PISD: variants seen among roughly 807,000 people sequenced by gnomAD.
PISD encodes phosphatidylserine decarboxylase proenzyme, mitochondrial.
In PISD, 31 loss-of-function variants were observed where a neutral mutation model predicts 43.5. The observed-to-expected ratio is 0.71, with a 90% CI of 0.54 to 0.96. The LOEUF is 0.96. PISD is among the 40% of genes least tolerant of loss of function. The pLI, the probability that PISD is intolerant of heterozygous loss-of-function variation, is 0.00. For synonymous variants in PISD, 259 were observed against 228.7 expected (o/e 1.13, Z -1.20); for missense variants, 523 against 548.4 (o/e 0.95, Z 0.46).
At chr22:31,637,205 A>ATG (rs2073529739) in intron 3 of PISD, among the ~76,000 whole-genome samples, 7 of 110,616 alleles carry the variant, frequency 6.3e-5, no homozygotes, top group African/African-American at 2.5e-4. Context: ...ATATATATAT[A>ATG]TAGAAAAATT....
chr22:31,648,752 C>T (rs1285722626), intron 2 of PISD, among the ~76,000 whole-genome samples: 5 of 151,992 alleles, frequency 3.3e-5, no homozygotes, highest in Non-Finnish European at 5.9e-5. Context: ...GGCCACTACT[C>T]AGACCCTCCT....
chr22:31,633,768 G>A (rs927031249), intron 3 of PISD, among the ~76,000 whole-genome samples: 2 of 152,106 alleles, frequency 1.3e-5, no homozygotes, highest in Admixed American at 6.5e-5. Flanking sequence ...CAGCCCACAA[G>A]TTGGCCGAGA....
rs564926553 is a variant in PISD, at chr22:31,627,637, C to T, written c.322-5752G>A. The stretch of plus-strand genomic sequence containing the variant: ...CAGCCAGGATTCAGAGGGAGGCAAG[C>T]GTGGCCTTGAGGGGAGGCAGAGAGG... On this transcript the variant is annotated intron_variant, in intron 3 of 7. Transcript: ENST00000439502. Among the ~76,000 whole-genome samples the T allele has an allele frequency of 2.0e-5, 3 of 152,362 alleles. No individual in the cohort carries two copies. The East Asian group carries it at 5.8e-4, about 29-fold the overall frequency.
At chr22:31,642,436 C>T (rs1388865958) in intron 3 of PISD, among the ~76,000 whole-genome samples, 1 of 150,946 alleles carries the variant, frequency 6.6e-6, no homozygotes, top group African/African-American at 2.5e-5. Flanking sequence ...GTCTGGGCAA[C>T]ACAGCAAGAG....
chr22:31,629,098 C>T, intron 3 of PISD: 4 of 985,458 alleles, frequency 4.1e-6, no homozygotes, highest in Non-Finnish European at 3.6e-6. Context: ...CCCACCCGTC[C>T]CTCACCAACC....
At chr22:31,626,726 C>T (rs529632036) in intron 3 of PISD, among the ~76,000 whole-genome samples, 2 of 152,240 alleles carry the variant, frequency 1.3e-5, no homozygotes, top group Non-Finnish European at 2.9e-5. Context: ...AGGACACACC[C>T]GGCCCCTACA....
chr22:31,662,276 G>A (rs770000520), upstream of PISD: 6 of 1,498,742 alleles, frequency 4.0e-6, no homozygotes, highest in African/African-American at 2.7e-5. Context: ...GGCGTCACGA[G>A]TCTCGAGTTC....
At chr22:31,641,453 G>A (rs1013197743) in intron 3 of PISD, among the ~76,000 whole-genome samples, 2 of 152,182 alleles carry the variant, frequency 1.3e-5, no homozygotes, top group Non-Finnish European at 2.9e-5. Context: ...AATGGACAGA[G>A]GGAGGATTCA....
chr22:31,628,843 A>G lies in PISD; in HGVS notation c.322-6958T>C, dbSNP rs372499236. The stretch of plus-strand genomic sequence containing the variant: ...CGACGCAGCCTCAGACCTGGCTTCC[A>G]ACACCTCACCTCTCTTTCCAAAAAG... On this transcript the variant is annotated intron_variant, in intron 3 of 7. Coordinates refer to ENST00000439502, the MANE Select transcript of PISD (RefSeq NM_001326411.2). 41 of 985,502 alleles carry G rather than the reference A, an allele frequency of 4.2e-5. No individual in the cohort carries two copies. The African/African-American group carries it at 6.5e-4, about 16-fold the overall frequency. The allele number at this position is 985,502 out of a possible 1,614,324, so 61.0% of individuals were successfully genotyped here.
In PISD at chr22:31,621,444, T is replaced by A; in HGVS notation, c.587A>T (p.Asn196Ile). 6.2e-7 allele frequency: 1 copy of A among 1,614,090 alleles called. No homozygotes were observed. Among genetic ancestry groups the A allele is most frequent in the Non-Finnish European group, 8.5e-7 (1 of 1,179,998 alleles). The change falls in exon 5 of 8, where the codon AAC (asparagine) becomes ATC (isoleucine). Residue 196 changes from asparagine (N) to isoleucine (I), a missense_variant. By Grantham distance (149) the Asn-to-Ile change is moderately radical. Coordinates refer to ENST00000439502, the MANE Select transcript of PISD (RefSeq NM_001326411.2). Reference protein sequence around the residue: ...VISPSDGRILNFGQVKNCEVE... With the variant: ...VISPSDGRILIFGQVKNCEVE... ...CTCACAGTTCTTCACCTGCCCAAAGTTGAGGATCCTTCCATCCGATGGGCT... is the reference window on the plus strand; with the variant it reads ...CTCACAGTTCTTCACCTGCCCAAAGATGAGGATCCTTCCATCCGATGGGCT...
intron 3 of PISD, among the ~76,000 whole-genome samples, chr22:31,647,622 T>C (rs537069020): frequency 1.8e-4 from 27 of 152,348 alleles, no homozygotes; most frequent in Admixed American, 1.4e-3. Context: ...AACAAGATGT[T>C]TCATTACGTA....
chr22:31,639,792 T>C (rs16989347), intron 3 of PISD, among the ~76,000 whole-genome samples: 3,953 of 152,274 alleles, frequency 0.026, 151 homozygotes, highest in African/African-American at 0.089. Flanking sequence ...ACCCTCTGTC[T>C]GTGCTCACTC....
At chr22:31,648,373 G>A (rs990360388) in intron 2 of PISD, 97 bp from the exon 3 acceptor site, 45 of 1,078,744 alleles carry the variant, frequency 4.2e-5, no homozygotes, top group Admixed American at 4.4e-5. Flanking sequence ...AAAAGTCAGC[G>A]CACCTCAGAA....
At chr22:31,653,038 T>TAA (rs36011234) in intron 1 of PISD, among the ~76,000 whole-genome samples, 84 of 114,380 alleles carry the variant, frequency 7.3e-4, no homozygotes, top group Non-Finnish European at 1.3e-3. Flanking sequence ...GACCCTACCT[T>TAA]AAAAAAAAAA....
At position 31,619,428 on chromosome 22, in the gene PISD, C is replaced by T; in HGVS notation, c.*184G>A. ...TAGGTTGAGGGGCATGATGGGGGCT[C>T]TCGCCACCTCTTGTCTGCACCTCTG... On this transcript the variant is annotated 3_prime_UTR_variant, in exon 8 of 8. Transcript: ENST00000439502. 5.8e-6 allele frequency: 4 copies of T among 685,426 alleles called. No homozygotes were observed. In the South Asian group the frequency reaches 6.0e-5, roughly 10 times the overall value. 42.5% of individuals were successfully genotyped at this position (685,426 alleles called of 1,614,324 possible).
chr22:31,645,071 A>C (rs1197504627), intron 3 of PISD, among the ~76,000 whole-genome samples: 1 of 152,032 alleles, frequency 6.6e-6, no homozygotes, highest in Non-Finnish European at 1.5e-5. Flanking sequence ...CAGTGAGCCG[A>C]GATCATGCCA....
intron 3 of PISD, among the ~76,000 whole-genome samples, chr22:31,645,755 A>G (rs1310684753): frequency 3.3e-5 from 5 of 149,362 alleles, no homozygotes; most frequent in Non-Finnish European, 5.9e-5. Flanking sequence ...TCTACTGGGA[A>G]GGCTGAGGTG....
At chr22:31,650,163 A>G (rs905141972) in intron 2 of PISD, among the ~76,000 whole-genome samples, 21 of 152,096 alleles carry the variant, frequency 1.4e-4, no homozygotes, top group Admixed American at 1.1e-3. Context: ...CTTCACACCC[A>G]TCGGAATGGC....
At chr22:31,657,580 T>C (rs1291438397) in intron 1 of PISD, among the ~76,000 whole-genome samples, 1 of 152,168 alleles carries the variant, frequency 6.6e-6, no homozygotes, top group African/African-American at 2.4e-5. Flanking sequence ...TGGAGTGCAA[T>C]GGCGCAATCT....
Sources: gnomAD v4.1 joint callset for allele counts (sites outside exome capture counted in the v4.1 genomes callset) on GRCh38, gnomAD v4.1.1 for gene constraint, MANE v1.5 for transcripts, NCBI Gene and HGNC (gene_info 2026-07-23, HGNC 2026-07-21) for gene names.